Variants in GRIN2B observed in about 807,000 individuals in gnomAD.
GRIN2B encodes the protein glutamate receptor ionotropic, NMDA 2B.
A neutral mutation model predicts 114.5 loss-of-function variants in GRIN2B; 5 were observed. The ratio of observed to expected loss-of-function variants is 0.04; its 90% confidence interval spans 0.02 to 0.09. The LOEUF is 0.09. Among genes scored for constraint, GRIN2B ranks in the 10% least tolerant of loss-of-function variants. GRIN2B has a pLI of 1.00. For synonymous variants in GRIN2B, 787 were observed against 745.1 expected, an observed-to-expected ratio of 1.06 and a Z score of -0.92; for missense variants, 1,108 against 1,943.5, an observed-to-expected ratio of 0.57 and a Z score of 8.08.
chr12:13,717,615 C>T (rs955673718), intron 4 of GRIN2B, among the ~76,000 whole-genome samples: 5 of 151,892 alleles, frequency 3.3e-5, no homozygotes, highest in East Asian at 3.9e-4. Context: ...ATGCAGTAGA[C>T]GCGCGAGAAC....
intron 4 of GRIN2B, among the ~76,000 whole-genome samples, chr12:13,698,059 C>A (rs1337830550): frequency 6.6e-6 from 1 of 152,240 alleles, no homozygotes; most frequent in Non-Finnish European, 1.5e-5. Context: ...CACAGAACAG[C>A]ACTATTTCTT....
chr12:13,647,946 G>C (rs1455340581), intron 5 of GRIN2B, among the ~76,000 whole-genome samples: 1 of 152,106 alleles, frequency 6.6e-6, no homozygotes, highest in Non-Finnish European at 1.5e-5. Flanking sequence ...CTTTGAGCTT[G>C]ACGAGTCAGA....
chr12:13,614,794 C>A (rs1231130598), intron 8 of GRIN2B, among the ~76,000 whole-genome samples: 1 of 152,178 alleles, frequency 6.6e-6, no homozygotes, highest in Non-Finnish European at 1.5e-5. Context: ...ATGAGGAAAC[C>A]AAGTCCCCAG....
At chr12:13,864,075 A>C (rs550681248) in intron 3 of GRIN2B, among the ~76,000 whole-genome samples, 1 of 152,118 alleles carries the variant, frequency 6.6e-6, no homozygotes, top group Non-Finnish European at 1.5e-5. Flanking sequence ...CATTTTGCTT[A>C]TTTTTCCCAC....
chr12:13,968,297 A>G (rs1160454310), intron 2 of GRIN2B, among the ~76,000 whole-genome samples: 1 of 152,238 alleles, frequency 6.6e-6, no homozygotes, highest in African/African-American at 2.4e-5. Flanking sequence ...ATTAATTATT[A>G]TTTCATATAG....
chr12:13,817,481 G>A (rs1056973836), intron 3 of GRIN2B, among the ~76,000 whole-genome samples: 4 of 152,142 alleles, frequency 2.6e-5, no homozygotes, highest in Non-Finnish European at 5.9e-5. Flanking sequence ...TCCCATTCCT[G>A]TTTTCAACTC....
At chr12:13,833,841 C>T (rs1401412872) in intron 3 of GRIN2B, among the ~76,000 whole-genome samples, 1 of 152,002 alleles carries the variant, frequency 6.6e-6, no homozygotes, top group Non-Finnish European at 1.5e-5. Context: ...TTCCTACTAC[C>T]CCAGGATTCC....
At chr12:13,830,443 T>C (rs1254305889) in intron 3 of GRIN2B, among the ~76,000 whole-genome samples, 3 of 152,158 alleles carry the variant, frequency 2.0e-5, no homozygotes, top group Non-Finnish European at 2.9e-5. Flanking sequence ...CATTTCTTAA[T>C]GAACATGAGA....
intron 4 of GRIN2B, among the ~76,000 whole-genome samples, chr12:13,721,626 G>A (rs1235555365): frequency 6.6e-6 from 1 of 152,050 alleles, no homozygotes; most frequent in Non-Finnish European, 1.5e-5. Context: ...TTTTCACCAT[G>A]CTAAGTTTTA....
At chr12:13,582,135 G>GC (rs1044258499) in intron 10 of GRIN2B, among the ~76,000 whole-genome samples, 11 of 152,130 alleles carry the variant, frequency 7.2e-5, no homozygotes, top group Non-Finnish European at 1.3e-4. Context: ...GCCTGGAGTG[G>GC]CCCCCCAAGA....
chr12:13,850,155 G>A (rs965044152), intron 3 of GRIN2B, among the ~76,000 whole-genome samples: 6 of 152,124 alleles, frequency 3.9e-5, no homozygotes, highest in Non-Finnish European at 8.8e-5. Flanking sequence ...GATTCTCTAA[G>A]ACTATTCAAG....
At chr12:13,823,728 T>C (rs1653622320) in intron 3 of GRIN2B, among the ~76,000 whole-genome samples, 3 of 152,130 alleles carry the variant, frequency 2.0e-5, no homozygotes, top group Admixed American at 2.0e-4. Flanking sequence ...CCTTGCCTTT[T>C]CCCAACCTTG....
intron 3 of GRIN2B, among the ~76,000 whole-genome samples, chr12:13,767,351 G>A (rs936308658): frequency 2.6e-5 from 4 of 151,354 alleles, no homozygotes; most frequent in Non-Finnish European, 4.4e-5. Context: ...TTAAAAAGAC[G>A]TAGATGACTA....
At chr12:13,730,911 G>T (rs148679493) in intron 4 of GRIN2B, among the ~76,000 whole-genome samples, 11 of 152,044 alleles carry the variant, frequency 7.2e-5, no homozygotes, top group Non-Finnish European at 1.3e-4. Flanking sequence ...TCTTAAAATG[G>T]TTATTTCTTT....
chr12:13,810,171 C>T (rs1864699795), intron 3 of GRIN2B, among the ~76,000 whole-genome samples: 1 of 150,690 alleles, frequency 6.6e-6, no homozygotes, highest in Non-Finnish European at 1.5e-5. Flanking sequence ...ATTCTTTATT[C>T]TCTTACAGTA....
intron 2 of GRIN2B, among the ~76,000 whole-genome samples, chr12:13,917,558 A>G (rs1254149708): frequency 6.6e-6 from 1 of 152,250 alleles, no homozygotes; most frequent in African/African-American, 2.4e-5. Flanking sequence ...AGAGGACAGC[A>G]GTGACCAGGG....
At position 13,841,109 on chromosome 12, in the gene GRIN2B, C is replaced by G. The variant is rs149090754; in HGVS notation, c.411+24689G>C. Among the ~76,000 whole-genome samples, 4 of 152,226 alleles carry G rather than the reference C, an allele frequency of 2.6e-5. No homozygotes were observed. In the East Asian group the frequency reaches 7.7e-4, roughly 29 times the overall value. On this transcript the variant is annotated intron_variant, in intron 3 of 13. Coordinates refer to ENST00000609686, the MANE Select transcript of GRIN2B (RefSeq NM_000834.5). ...ACATATTTTTCTTAGCCTAAGCAGC[C>G]TAGTTGTAGATAAATGTGAAGTTAT...
At position 13,542,334 on chromosome 12, in the gene GRIN2B, C is replaced by A. The variant is rs1214377890; in HGVS notation, c.*20449G>T. 4 of 151,924 alleles carry A rather than the reference C, an allele frequency of 2.6e-5. No homozygotes were observed. Among genetic ancestry groups the A allele is most frequent in the Non-Finnish European group, 4.4e-5 (3 of 67,988 alleles). The allele number at this position is 151,924 out of a possible 1,614,324, so 9.4% of individuals were successfully genotyped here. A position where few individuals can be genotyped will look rare whatever the true frequency, so the allele number is the denominator to read the frequency against. Reference sequence around the variant, plus strand: ...ACAACGAGACTAGCTTAGTTGGGAACCTTAGAAAGGACAAGATTTCCTGTG... The same window carrying A: ...ACAACGAGACTAGCTTAGTTGGGAAACTTAGAAAGGACAAGATTTCCTGTG... On this transcript the variant is annotated 3_prime_UTR_variant, in exon 14 of 14. Transcript: ENST00000609686.
intron 4 of GRIN2B, among the ~76,000 whole-genome samples, chr12:13,714,490 C>G (rs1451454059): frequency 6.6e-6 from 1 of 151,812 alleles, no homozygotes; most frequent in Non-Finnish European, 1.5e-5. Flanking sequence ...ACCCAGACTC[C>G]AAACTTTTTA....
Sources: allele counts gnomAD v4.1 joint callset (sites outside exome capture counted in the v4.1 genomes callset), GRCh38; gene constraint gnomAD v4.1.1; transcripts MANE v1.5; gene names NCBI Gene and HGNC (gene_info 2026-07-23, HGNC 2026-07-21).